The following IL1RAPL1 variants were observed in gnomAD, a reference collection of about 807,000 sequenced individuals.
The protein encoded by IL1RAPL1 is interleukin 1 receptor accessory protein like 1, also known as interleukin-1 receptor accessory protein-like 1.
IL1RAPL1 carries 3 observed loss-of-function variants against 48.4 expected under a neutral mutation model. The observed-to-expected ratio is 0.06, with a 90% confidence interval of 0.03 to 0.16. The LOEUF is 0.16. IL1RAPL1 is among the 10% of genes least tolerant of loss of function. The pLI, the probability that IL1RAPL1 is intolerant of heterozygous loss-of-function variation, is 1.00. For synonymous variants in IL1RAPL1, 185 were observed against 187.7 expected, an observed-to-expected ratio of 0.99 and a Z score of 0.12; for missense variants, 349 against 530.6, an observed-to-expected ratio of 0.66 and a Z score of 3.36.
intron 1 of IL1RAPL1, among the ~76,000 whole-genome samples, chrX:28,743,246 C>G (rs980668455): frequency 9.0e-6 from 1 of 111,449 alleles, no homozygotes; most frequent in Admixed American, 9.6e-5. Context: ...CCTATTGATA[C>G]TAACCTAGTT....
At chrX:29,949,011 A>T (rs1198509393) in intron 9 of IL1RAPL1, among the ~76,000 whole-genome samples, 1 of 112,015 alleles carries the variant, frequency 8.9e-6, no homozygotes, top group Non-Finnish European at 1.9e-5. Flanking sequence ...CTTCAACTTG[A>T]AAAGTGAGTC....
intron 1 of IL1RAPL1, among the ~76,000 whole-genome samples, chrX:28,625,769 T>TGTGTGTGTGTGTG (rs1569140767): frequency 1.8e-5 from 2 of 110,346 alleles, no homozygotes; most frequent in African/African-American, 3.3e-5. Flanking sequence ...TGTGTGTGTG[T>TGTGTGTGTGTGTG]TTTACCAAGA....
intron 5 of IL1RAPL1, among the ~76,000 whole-genome samples, chrX:29,664,373 C>T (rs1443938220): frequency 2.1e-5 from 2 of 96,677 alleles, no homozygotes; most frequent in African/African-American, 8.4e-5. Context: ...CACTGCACTC[C>T]GGCCTGGGCA....
chrX:29,801,040 C>T (rs942617035), intron 6 of IL1RAPL1, among the ~76,000 whole-genome samples: 1 of 4,583 alleles, frequency 2.2e-4, no homozygotes, highest in African/African-American at 4.3e-4. Flanking sequence ...AAAAACTCTC[C>T]GTCTCAAAAA....
intron 1 of IL1RAPL1, among the ~76,000 whole-genome samples, chrX:28,596,001 G>A (rs1162099342): frequency 2.7e-5 from 3 of 111,268 alleles, no homozygotes; most frequent in Non-Finnish European, 5.7e-5. Context: ...AGCCGCTTAT[G>A]TCAGTGGGTG....
intron 3 of IL1RAPL1, among the ~76,000 whole-genome samples, chrX:29,303,038 G>A (rs1183391697): frequency 8.9e-6 from 1 of 112,197 alleles, no homozygotes; most frequent in African/African-American, 3.2e-5. Context: ...GTTCCTGATT[G>A]AGGGTTTCTT....
chrX:28,663,257 C>G (rs1327334008), intron 1 of IL1RAPL1, among the ~76,000 whole-genome samples: 1 of 111,674 alleles, frequency 9.0e-6, no homozygotes, highest in Non-Finnish European at 1.9e-5. Context: ...TTCAGGTGAC[C>G]TGAACATGCA....
chrX:29,634,170 C>T (rs951709182), intron 5 of IL1RAPL1, among the ~76,000 whole-genome samples: 3 of 111,955 alleles, frequency 2.7e-5, no homozygotes, highest in African/African-American at 9.7e-5. Context: ...CAGTGCGAAG[C>T]AACTCAGGCA....
At chrX:28,962,937 T>G (rs1357689950) in intron 2 of IL1RAPL1, among the ~76,000 whole-genome samples, 3 of 108,898 alleles carry the variant, frequency 2.8e-5, no homozygotes, top group African/African-American at 1.0e-4. Context: ...CTTGTTGGCT[T>G]TATTAGCTAC....
rs758930944 is a variant in IL1RAPL1, at chrX:28,896,341, G to T, written c.82+106916G>T. Among the ~76,000 whole-genome samples, 6 of 111,679 alleles carry T rather than the reference G, an allele frequency of 5.4e-5. No homozygotes were observed. In the East Asian group the frequency reaches 1.7e-3, roughly 32 times the overall value. On this transcript the variant is annotated intron_variant, in intron 2 of 10. Coordinates refer to ENST00000378993, the MANE Select transcript of IL1RAPL1 (RefSeq NM_014271.4). Reference sequence around the variant, plus strand: ...ATAAAATGTATATTGAGAATAAGACGGCCTTTTGACCCTTTAGGGTCTAGG... The same window carrying T: ...ATAAAATGTATATTGAGAATAAGACTGCCTTTTGACCCTTTAGGGTCTAGG...
At chrX:29,306,501 C>T (rs1186936223) in intron 3 of IL1RAPL1, among the ~76,000 whole-genome samples, 1 of 88,162 alleles carries the variant, frequency 1.1e-5, no homozygotes, top group Non-Finnish European at 2.2e-5. Flanking sequence ...TGCACTCCAG[C>T]CTGGTGACAG....
intron 2 of IL1RAPL1, among the ~76,000 whole-genome samples, chrX:29,011,449 G>T (rs1266426468): frequency 3.6e-5 from 4 of 112,461 alleles, no homozygotes; most frequent in Non-Finnish European, 7.5e-5. Flanking sequence ...GTAATAAAAA[G>T]GAATTAACTA....
intron 1 of IL1RAPL1, among the ~76,000 whole-genome samples, chrX:28,739,057 C>T (rs941125363): frequency 1.8e-5 from 2 of 111,183 alleles, no homozygotes; most frequent in African/African-American, 6.5e-5. Flanking sequence ...GTTCAAGGCC[C>T]TTCATAATTT....
intron 2 of IL1RAPL1, among the ~76,000 whole-genome samples, chrX:29,014,692 A>T (rs1403633811): frequency 8.9e-6 from 1 of 112,167 alleles, no homozygotes; most frequent in Non-Finnish European, 1.9e-5. Context: ...AACCTTTGGT[A>T]GGATGTTTTA....
chrX:29,686,896 A>C (rs1342625428), intron 6 of IL1RAPL1, among the ~76,000 whole-genome samples: 6 of 110,229 alleles, frequency 5.4e-5, no homozygotes, highest in South Asian at 3.9e-4. Flanking sequence ...GAAGCTGAGC[A>C]AGGTCTGCAA....
chrX:29,591,575 G>T (rs1489270773), intron 5 of IL1RAPL1, among the ~76,000 whole-genome samples: 2 of 111,939 alleles, frequency 1.8e-5, no homozygotes, highest in Non-Finnish European at 3.8e-5. Context: ...CCTCTGCCGG[G>T]CACTCTCCTG....
chrX:29,137,713 C>T (rs767547019), intron 2 of IL1RAPL1, among the ~76,000 whole-genome samples: 13 of 112,091 alleles, frequency 1.2e-4, no homozygotes, highest in Non-Finnish European at 2.1e-4. Flanking sequence ...GTTAGTTGAC[C>T]TATCTAAAAT....
At chrX:29,159,229 A>T (rs989529499) in intron 2 of IL1RAPL1, among the ~76,000 whole-genome samples, 10 of 110,640 alleles carry the variant, frequency 9.0e-5, no homozygotes, top group Non-Finnish European at 1.9e-5. Context: ...GTCCTTCCTA[A>T]AAGTCTGTTT....
At chrX:28,721,738 T>C (rs1230448969) in intron 1 of IL1RAPL1, among the ~76,000 whole-genome samples, 1 of 111,540 alleles carries the variant, frequency 9.0e-6, no homozygotes, top group Non-Finnish European at 1.9e-5. Flanking sequence ...GTCTGACATT[T>C]AAGTCTTTAA....
Sources: allele counts gnomAD v4.1 joint callset (sites outside exome capture counted in the v4.1 genomes callset), GRCh38; gene constraint gnomAD v4.1.1; transcripts MANE v1.5; gene names NCBI Gene and HGNC (gene_info 2026-07-23, HGNC 2026-07-21).